The following PLCL1 variants were observed in gnomAD, a reference collection of about 807,000 sequenced individuals.
PLCL1 encodes the protein inactive phospholipase C-like protein 1.
In PLCL1, 41 loss-of-function variants were observed where a neutral mutation model predicts 84.4. That is an observed-to-expected ratio of 0.49 (90% CI 0.38 to 0.63). PLCL1 has a LOEUF of 0.63. PLCL1 is among the 30% of genes least tolerant of loss of function. The pLI is 0.00. For synonymous variants in PLCL1, 490 were observed against 488.3 expected (o/e 1.00, Z -0.05); for missense variants, 1,206 against 1,367.8 (o/e 0.88, Z 1.87).
At position 198,133,343 on chromosome 2, in the gene PLCL1, A is replaced by G. The variant is rs542239535; in HGVS notation, c.3106-13437A>G. 2.3e-5 allele frequency among the ~76,000 whole-genome samples: 3 copies of G among 131,152 alleles called. No individual in the cohort carries two copies. The Admixed American group carries it at 2.8e-4, about 12-fold the overall frequency. The allele number at this position is 131,152 out of a possible 152,430, so 86.0% of individuals were successfully genotyped here. On this transcript the variant is annotated intron_variant, in intron 5 of 5. Coordinates refer to ENST00000428675, the MANE Select transcript of PLCL1 (RefSeq NM_006226.4). ...TTGAACAATGAGATCACATGGACAC[A>G]TGAAGGGGAATACCACACTCTGGGG...
intron 1 of PLCL1, among the ~76,000 whole-genome samples, chr2:198,075,371 G>A (rs1444910993): frequency 1.3e-5 from 2 of 152,212 alleles, no homozygotes; most frequent in Non-Finnish European, 2.9e-5. Flanking sequence ...TGAATAAATC[G>A]TCAGATGACC....
intron 1 of PLCL1, among the ~76,000 whole-genome samples, chr2:198,026,629 T>C (rs1327320490): frequency 1.3e-5 from 2 of 152,140 alleles, no homozygotes; most frequent in Non-Finnish European, 2.9e-5. Flanking sequence ...ATATCCAATT[T>C]ATATAAGGAA....
chr2:198,015,671 G>A (rs931489025), intron 1 of PLCL1, among the ~76,000 whole-genome samples: 2 of 152,224 alleles, frequency 1.3e-5, no homozygotes, highest in East Asian at 1.9e-4. Flanking sequence ...GAGACAGACA[G>A]CTCCGAGTTA....
At chr2:198,047,644 C>G (rs961815900) in intron 1 of PLCL1, among the ~76,000 whole-genome samples, 7 of 152,282 alleles carry the variant, frequency 4.6e-5, no homozygotes, top group Non-Finnish European at 1.0e-4. Flanking sequence ...GAATAAATAA[C>G]ATGGCACACA....
chr2:197,873,867 T>C (rs1375339975), intron 1 of PLCL1, among the ~76,000 whole-genome samples: 1 of 152,196 alleles, frequency 6.6e-6, no homozygotes, highest in African/African-American at 2.4e-5. Flanking sequence ...TCAGCATTGC[T>C]ACTTGTTTGT....
intron 1 of PLCL1, among the ~76,000 whole-genome samples, chr2:197,822,518 T>C (rs541952477): frequency 6.6e-6 from 1 of 152,180 alleles, no homozygotes; most frequent in Non-Finnish European, 1.5e-5. Flanking sequence ...CTGACATTTA[T>C]TGGGTGCTTA....
intron 1 of PLCL1, among the ~76,000 whole-genome samples, chr2:197,812,078 T>C (rs1246517793): frequency 6.6e-6 from 1 of 152,232 alleles, no homozygotes; most frequent in Non-Finnish European, 1.5e-5. Context: ...TGGTTTTCTA[T>C]TTCTGCATTA....
At chr2:198,080,106 A>G (rs374485963) in intron 1 of PLCL1, among the ~76,000 whole-genome samples, 1 of 152,222 alleles carries the variant, frequency 6.6e-6, no homozygotes, top group East Asian at 1.9e-4. Flanking sequence ...TGTTATGGTC[A>G]TTGGAATCAG....
At chr2:198,001,758 A>G (rs992237695) in intron 1 of PLCL1, among the ~76,000 whole-genome samples, 3 of 152,134 alleles carry the variant, frequency 2.0e-5, no homozygotes, top group Admixed American at 6.5e-5. Context: ...GCTAAGCTTC[A>G]TCTGTATTTA....
intron 1 of PLCL1, among the ~76,000 whole-genome samples, chr2:197,951,876 T>G (rs564850583): frequency 1.9e-4 from 29 of 152,166 alleles, no homozygotes; most frequent in Non-Finnish European, 2.5e-4. Flanking sequence ...CATTGATTGA[T>G]TGAGTGATTT....
At chr2:198,104,859 C>T (rs1304358) in intron 5 of PLCL1, among the ~76,000 whole-genome samples, 74,631 of 151,824 alleles carry the variant, frequency 0.49, 20,019 homozygotes, top group East Asian at 0.8. Context: ...ACGTCCTTTG[C>T]CTGCTTTCTA....
chr2:197,872,388 C>T lies in PLCL1; in HGVS notation c.240+67049C>T, dbSNP rs540403631. Among the ~76,000 whole-genome samples, 7 of 152,270 alleles carry T rather than the reference C, an allele frequency of 4.6e-5. No homozygotes were observed. In the South Asian group the frequency reaches 1.5e-3, roughly 32 times the overall value. On this transcript the variant is annotated intron_variant, in intron 1 of 5. Coordinates refer to ENST00000428675, the MANE Select transcript of PLCL1 (RefSeq NM_006226.4). ...TTGCCTGCCTGTGTCCTCCCTCTTT[C>T]TCATTTGTAATCCGTCTGTTTTCCC... is the stretch of plus-strand genomic sequence containing the variant.
At chr2:197,834,277 G>T (rs1691134576) in intron 1 of PLCL1, among the ~76,000 whole-genome samples, 1 of 152,054 alleles carries the variant, frequency 6.6e-6, no homozygotes, top group Non-Finnish European at 1.5e-5. Flanking sequence ...CAAAACAATG[G>T]CAACAAAAGC....
rs137975197 is a variant in PLCL1 at position 198,083,092 on chromosome 2, T to C, written c.241-666T>C. On this transcript the variant is annotated intron_variant, in intron 1 of 5. Transcript: ENST00000428675. Reference sequence around the variant, plus strand: ...TAGTAGAGCCATTCATATTTCTGTTTGGTTTAAGCTGTGCCTGCTAATAAC... The same window carrying C: ...TAGTAGAGCCATTCATATTTCTGTTCGGTTTAAGCTGTGCCTGCTAATAAC... 4.3e-3 allele frequency among the ~76,000 whole-genome samples: 651 copies of C among 152,356 alleles called. 4 individuals are homozygous for C. The highest frequency in any genetic ancestry group is 0.02 in the Middle Eastern group (6 of 294).
intron 1 of PLCL1, among the ~76,000 whole-genome samples, chr2:197,959,992 A>C (rs1689577706): frequency 6.6e-6 from 1 of 152,056 alleles, no homozygotes; most frequent in Admixed American, 6.6e-5. Context: ...ATAAATGACA[A>C]AGAGAGAACT....
intron 3 of PLCL1, among the ~76,000 whole-genome samples, chr2:198,095,761 G>T (rs1251199695): frequency 6.6e-6 from 1 of 152,140 alleles, no homozygotes; most frequent in African/African-American, 2.4e-5. Flanking sequence ...GTTTGAATTG[G>T]TTTGACTTTT....
rs183164743 is a variant in PLCL1, at chr2:198,109,851, A to T, written c.3105+5915A>T. 4.7e-3 allele frequency among the ~76,000 whole-genome samples: 720 copies of T among 151,912 alleles called. 2 individuals carry two copies. Among genetic ancestry groups the T allele is most frequent in the Non-Finnish European group, 7.8e-3 (527 of 67,814 alleles). ...TGGCTATTTTAAGAAACTAAATTTT[A>T]TTACTTTGTGTTTTTAAAAGTTTTA... On this transcript the variant is annotated intron_variant, in intron 5 of 5. Transcript: ENST00000428675.
At chr2:198,008,074 A>G (rs1690773541) in intron 1 of PLCL1, among the ~76,000 whole-genome samples, 2 of 152,124 alleles carry the variant, frequency 1.3e-5, no homozygotes, top group South Asian at 4.1e-4. Flanking sequence ...TATGTTAGTG[A>G]TCACCTCAAG....
chr2:197,965,425 A>G (rs1220360839), intron 1 of PLCL1, among the ~76,000 whole-genome samples: 2 of 151,928 alleles, frequency 1.3e-5, no homozygotes, highest in Non-Finnish European at 2.9e-5. Context: ...AACATCTCTG[A>G]TTTTATTTAT....
Sources: gnomAD v4.1 joint callset for allele counts (sites outside exome capture counted in the v4.1 genomes callset) on GRCh38, gnomAD v4.1.1 for gene constraint, MANE v1.5 for transcripts, NCBI Gene and HGNC (gene_info 2026-07-23, HGNC 2026-07-21) for gene names.